The following PDGFA variants were observed in gnomAD, a reference collection of about 807,000 sequenced individuals.
PDGFA encodes platelet derived growth factor subunit A.
PDGFA carries 9 observed loss-of-function variants against 25.6 expected under a neutral mutation model. The ratio of observed to expected loss-of-function variants is 0.35; its 90% CI spans 0.21 to 0.61. PDGFA has a LOEUF of 0.61. PDGFA is among the 20% of genes least tolerant of loss of function. The pLI, the probability that PDGFA is intolerant of heterozygous loss-of-function variation, is 0.75. For missense variants in PDGFA, 242 were observed against 272.8 expected (o/e 0.89, Z 0.79); for synonymous variants, 133 against 111.8 (o/e 1.19, Z -1.20).
chr7:510,914 G>A lies in PDGFA; in HGVS notation c.348C>T (p.Asn116=), dbSNP rs907107214. Residue 116 remains asparagine, a synonymous_variant, in exon 4 of 6, where the codon AAC becomes AAT. Transcript: ENST00000402802. ...CCACGCACGGGGGCCAGATCAGGAA[G>A]TTGGCGGACGTGGGGTCGACCTGAC... 5.0e-6 allele frequency: 8 copies of A among 1,612,636 alleles called. No homozygotes were observed. In the African/African-American group the frequency reaches 8.0e-5, roughly 16 times the overall value.
intron 2 of PDGFA, among the ~76,000 whole-genome samples, chr7:515,633 A>C (rs1783053287): frequency 6.6e-6 from 1 of 151,954 alleles, no homozygotes; most frequent in Non-Finnish European, 1.5e-5. Context: ...TCCTATTCAG[A>C]CCCCAAAACC....
chr7:511,049 C>T, intron 3 of PDGFA, 53 bp from the exon 4 acceptor site: 2 of 1,456,306 alleles, frequency 1.4e-6, no homozygotes, highest in Non-Finnish European at 9.5e-7. Context: ...ACCACGGCCC[C>T]ACCCCAGGGC....
exon 4 of PDGFA, chr7:510,900 G>A (rs1243534394): frequency 6.2e-7 from 1 of 1,612,538 alleles, no homozygotes; most frequent in Non-Finnish European, 8.5e-7. Context: ...CACGCACGGG[G>A]GCCAGATCAG....
intron 4 of PDGFA, among the ~76,000 whole-genome samples, chr7:504,249 CAG>C (rs755768705): frequency 2.6e-5 from 4 of 152,040 alleles, no homozygotes; most frequent in Admixed American, 6.5e-5. Context: ...CCACCACAGG[CAG>C]AGAGTGGGTC....
chr7:519,302 T>G, exon 1 of PDGFA: 1 of 329,864 alleles, frequency 3.0e-6, no homozygotes, highest in Non-Finnish European at 5.5e-6. Flanking sequence ...CTGGGCTTCT[T>G]CCTCGGTGCG....
At chr7:508,647 G>A (rs1202541254) in intron 4 of PDGFA, among the ~76,000 whole-genome samples, 1 of 148,356 alleles carries the variant, frequency 6.7e-6, no homozygotes, top group Non-Finnish European at 1.5e-5. Flanking sequence ...CCTGGACTAG[G>A]GGCCGCACCC....
At chr7:512,304 C>G (rs1183243706) in intron 3 of PDGFA, 47 bp downstream of exon 3, 13 of 1,550,270 alleles carry the variant, frequency 8.4e-6, no homozygotes, top group African/African-American at 2.7e-5. Context: ...CTCCTGGACT[C>G]ACCCTGACCC....
At chr7:520,107 C>T (rs1783308563), upstream of PDGFA, 2 of 391,732 alleles carry the variant, frequency 5.1e-6, no homozygotes, top group Non-Finnish European at 5.1e-6. Context: ...CTCCCTCGAG[C>T]TTGCCCACCC....
chr7:516,972 C>G (rs1180488945), intron 2 of PDGFA, among the ~76,000 whole-genome samples: 1 of 151,720 alleles, frequency 6.6e-6, no homozygotes, highest in African/African-American at 2.4e-5. Context: ...CCCGCCCGCC[C>G]GTCGGACCGG....
rs985836253 is a variant in PDGFA at position 517,198 on chromosome 7, C to T, written c.160+196G>A. On this transcript the variant is annotated intron_variant, in intron 2 of 5. Transcript: ENST00000402802. This position sits in a 1 kb window ranked among gnomAD's most constrained non-coding sequence, Gnocchi z 7.4. Reference sequence around the variant, plus strand: ...AACAATCCCGGGGCGAGCGAGCAGCCCTCGGCCGCCGCTGGGAGAGAAAGT... The same window carrying T: ...AACAATCCCGGGGCGAGCGAGCAGCTCTCGGCCGCCGCTGGGAGAGAAAGT... 1.3e-5 allele frequency among the ~76,000 whole-genome samples: 2 copies of T among 151,702 alleles called. No individual in the cohort carries two copies. Among genetic ancestry groups the T allele is most frequent in the African/African-American group, 2.4e-5 (1 of 41,392 alleles).
intron 3 of PDGFA, among the ~76,000 whole-genome samples, chr7:511,388 G>GAA (rs1782839916): frequency 6.9e-6 from 1 of 145,500 alleles, no homozygotes; most frequent in African/African-American, 2.6e-5. Flanking sequence ...GGTGGCAGGG[G>GAA]CAGAGGGGAA....
At chr7:498,233 C>T in exon 6 of PDGFA, 2 of 363,610 alleles carry the variant, frequency 5.5e-6, no homozygotes, top group Non-Finnish European at 1.0e-5. Context: ...ACTTCCATCC[C>T]ACGGGGCGAC....
At chr7:507,623 A>C (rs1782616621) in intron 4 of PDGFA, among the ~76,000 whole-genome samples, 1 of 152,188 alleles carries the variant, frequency 6.6e-6, no homozygotes, top group Non-Finnish European at 1.5e-5. Flanking sequence ...CGTACCTCCA[A>C]GCCTCCCCCA....
rs924714852 is a variant in PDGFA, at chr7:498,515, G to A, written c.*49C>T. ...CACCGTACATAGTAGGTTCAGGAATGTAACACGCCATGTACATCCATGTCC... is the reference window on the plus strand; with the variant it reads ...CACCGTACATAGTAGGTTCAGGAATATAACACGCCATGTACATCCATGTCC... On this transcript the variant is annotated 3_prime_UTR_variant, in exon 6 of 6. Coordinates refer to ENST00000402802, the Ensembl canonical transcript of PDGFA. 4 of 1,582,358 alleles carry A rather than the reference G, an allele frequency of 2.5e-6. No homozygotes were observed. In the African/African-American group the frequency reaches 4.0e-5, roughly 16 times the overall value.
intron 3 of PDGFA, among the ~76,000 whole-genome samples, chr7:511,708 G>A (rs887105326): frequency 2.6e-5 from 4 of 152,182 alleles, no homozygotes; most frequent in Non-Finnish European, 2.9e-5. Flanking sequence ...TGGGACCCCC[G>A]AGGACGCGGG....
chr7:519,150 C>A lies in PDGFA; in HGVS notation c.-149G>T, dbSNP rs558522550. On this transcript the variant is annotated 5_prime_UTR_variant, in exon 1 of 6. Coordinates refer to ENST00000402802, the Ensembl canonical transcript of PDGFA. ...CGCGGGGAGCACGGAGCTGGCGGAG[C>A]GCGCCCGGCGCGAGCAGTGAGTGCG... 16 of 523,484 alleles carry A rather than the reference C, an allele frequency of 3.1e-5. No individual in the cohort carries two copies. In the East Asian group the frequency reaches 3.8e-4, roughly 12 times the overall value. 32.4% of individuals were successfully genotyped at this position (523,484 alleles called of 1,614,324 possible).
intron 2 of PDGFA, among the ~76,000 whole-genome samples, chr7:514,633 A>G (rs1783005830): frequency 6.6e-6 from 1 of 152,228 alleles, no homozygotes; most frequent in Non-Finnish European, 1.5e-5. Context: ...ACTCCAGGAC[A>G]GGGAGAATCT....
exon 6 of PDGFA, chr7:498,286 GTT>G (rs1204066962): frequency 2.0e-6 from 1 of 503,916 alleles, no homozygotes; most frequent in African/African-American, 1.9e-5. Flanking sequence ...AGTCCGTTTT[GTT>G]TTTGTCATTT....
At chr7:518,617 TCCCCGCA>T (rs1583162604) in intron 1 of PDGFA, 2 of 314,686 alleles carry the variant, frequency 6.4e-6, no homozygotes, top group East Asian at 9.8e-5. Context: ...CCTTCCCCGC[TCCCCGCA>T]CCCCGCTGCT....
Sources: gnomAD v4.1 joint callset for allele counts (sites outside exome capture counted in the v4.1 genomes callset) on GRCh38, gnomAD v4.1.1 for gene constraint, Gnocchi (gnomAD v3.1) non-coding constraint, MANE v1.5 for transcripts, NCBI Gene and HGNC (gene_info 2026-07-23, HGNC 2026-07-21) for gene names.